The following RIT2 variants were observed in gnomAD, a reference collection of about 807,000 sequenced individuals.
RIT2 encodes the protein GTP-binding protein Rit2.
Under a neutral mutation model 23.7 loss-of-function variants are expected in RIT2, and 24 were observed. The ratio of observed to expected loss-of-function variants is 1.01; its 90% CI spans 0.73 to 1.43. The LOEUF (loss-of-function observed/expected upper bound fraction) is 1.43, where lower values mean the gene tolerates loss of function less well. Among genes scored for constraint, RIT2 ranks in the 40% most tolerant of loss-of-function variants. The pLI, the probability that RIT2 is intolerant of heterozygous loss-of-function variation, is 0.00. For synonymous variants in RIT2, 107 were observed against 91.1 expected (o/e 1.17, Z -0.99); for missense variants, 236 against 266.9 (o/e 0.88, Z 0.81).
chr18:42,853,177 C>A (rs1907101058), intron 4 of RIT2, among the ~76,000 whole-genome samples: 1 of 152,082 alleles, frequency 6.6e-6, no homozygotes, highest in East Asian at 1.9e-4. Context: ...TTTGTGACAC[C>A]TGTCGTGTAT....
intron 4 of RIT2, among the ~76,000 whole-genome samples, chr18:42,890,698 A>T (rs1489829583): frequency 3.9e-5 from 6 of 152,176 alleles, no homozygotes; most frequent in African/African-American, 1.4e-4. Flanking sequence ...GGCCAAGGAC[A>T]TTAATGTAGC....
At chr18:42,800,756 C>A (rs1040460984) in intron 4 of RIT2, among the ~76,000 whole-genome samples, 1 of 152,082 alleles carries the variant, frequency 6.6e-6, no homozygotes, top group Non-Finnish European at 1.5e-5. Context: ...TGGTCTCGAT[C>A]TCCTGACCTC....
At chr18:42,923,431 G>T in intron 4 of RIT2, 141 bp downstream of exon 4, 1 of 750,858 alleles carries the variant, frequency 1.3e-6, no homozygotes, top group Non-Finnish European at 2.3e-6. Flanking sequence ...TTTACCATGG[G>T]ACCACCATGA....
At chr18:42,928,627 G>C (rs1164702108) in intron 3 of RIT2, among the ~76,000 whole-genome samples, 1 of 151,760 alleles carries the variant, frequency 6.6e-6, no homozygotes. Flanking sequence ...AAATTATAAA[G>C]GATTAAAGTC....
At chr18:43,104,598 A>T (rs1260814079) in intron 1 of RIT2, among the ~76,000 whole-genome samples, 1 of 152,186 alleles carries the variant, frequency 6.6e-6, no homozygotes, top group African/African-American at 2.4e-5. Flanking sequence ...GGTATTCCAG[A>T]CTTCTGTTAC....
At chr18:43,062,215 G>GA (rs553192727) in intron 1 of RIT2, among the ~76,000 whole-genome samples, 28 of 150,416 alleles carry the variant, frequency 1.9e-4, no homozygotes, top group Non-Finnish European at 2.7e-4. Flanking sequence ...ATGGATGGAT[G>GA]AAAAAAAAAT....
At chr18:43,085,878 T>C (rs1052299614) in intron 1 of RIT2, among the ~76,000 whole-genome samples, 2 of 152,112 alleles carry the variant, frequency 1.3e-5, no homozygotes, top group Admixed American at 6.6e-5. Flanking sequence ...TCTCACAGGA[T>C]CTGATGATTT....
chr18:42,874,876 A>T (rs748002579), intron 4 of RIT2, among the ~76,000 whole-genome samples: 10 of 152,136 alleles, frequency 6.6e-5, no homozygotes, highest in Non-Finnish European at 1.2e-4. Flanking sequence ...AGTCCAGATA[A>T]GGTTCACACA....
chr18:42,970,513 T>C (rs1206963022), intron 3 of RIT2, among the ~76,000 whole-genome samples: 1 of 152,060 alleles, frequency 6.6e-6, no homozygotes, highest in African/African-American at 2.4e-5. Context: ...CAAAATATGG[T>C]ACCTTGGAAA....
chr18:43,051,869 C>T (rs1912391856), intron 1 of RIT2, among the ~76,000 whole-genome samples: 1 of 152,110 alleles, frequency 6.6e-6, no homozygotes, highest in Non-Finnish European at 1.5e-5. Context: ...ATCACCTCTT[C>T]CCAGATAAAA....
chr18:42,786,616 C>T (rs1431259014), intron 4 of RIT2, among the ~76,000 whole-genome samples: 1 of 152,014 alleles, frequency 6.6e-6, no homozygotes, highest in Non-Finnish European at 1.5e-5. Flanking sequence ...TCTTAATTCT[C>T]GGGACTGACA....
chr18:42,893,192 C>T (rs1908228469), intron 4 of RIT2, among the ~76,000 whole-genome samples: 1 of 147,834 alleles, frequency 6.8e-6, no homozygotes, highest in Non-Finnish European at 1.5e-5. Flanking sequence ...CGCCACTGCA[C>T]TCCAGCCTGG....
chr18:42,925,587 A>G (rs191599581), intron 3 of RIT2, among the ~76,000 whole-genome samples: 146 of 152,018 alleles, frequency 9.6e-4, no homozygotes, highest in African/African-American at 3.2e-3. Context: ...AAAGTTTTTG[A>G]TTTTCAATCG....
At chr18:42,949,665 A>T (rs1303635202) in intron 3 of RIT2, among the ~76,000 whole-genome samples, 2 of 152,108 alleles carry the variant, frequency 1.3e-5, no homozygotes, top group Non-Finnish European at 2.9e-5. Flanking sequence ...ATTTCGTATT[A>T]GTTACTCCAC....
chr18:42,776,924 A>G (rs1913685788), intron 4 of RIT2, among the ~76,000 whole-genome samples: 1 of 152,212 alleles, frequency 6.6e-6, no homozygotes, highest in Admixed American at 6.5e-5. Context: ...TAGAAAGTCT[A>G]GAGTAGAAGA....
At chr18:42,866,397 T>C (rs1467427617) in intron 4 of RIT2, among the ~76,000 whole-genome samples, 6 of 152,182 alleles carry the variant, frequency 3.9e-5, no homozygotes, top group South Asian at 2.1e-4. Flanking sequence ...CTGTACTAGA[T>C]AGTGAAGAAA....
In RIT2 at chr18:42,804,960, A is replaced by T. The variant is rs192695918; in HGVS notation, c.427-61240T>A. On this transcript the variant is annotated intron_variant, in intron 4 of 4. Transcript: ENST00000326695. ...AATGGTGAGGCTTGACAATTATTGC[A>T]ATTTTCATCAGCAAAAATTATTTTA... Among the ~76,000 whole-genome samples, 27 of 152,342 alleles carry T rather than the reference A, an allele frequency of 1.8e-4. 1 individual carries two copies. The highest frequency in any genetic ancestry group is 1.7e-3 in the Admixed American group (26 of 15,308).
chr18:43,105,124 GTGTGTGTT>G (rs1161180233), intron 1 of RIT2, among the ~76,000 whole-genome samples: 20 of 150,728 alleles, frequency 1.3e-4, no homozygotes, highest in African/African-American at 4.4e-4. Context: ...GTGTGTGTGT[GTGTGTGTT>G]TGTGTGTGTG....
At position 43,115,414 on chromosome 18, in the gene RIT2, T is replaced by TA; in HGVS notation, c.103+2dup. ...TTCCCCAGCATTTGGTGTGAAAACT[T>TA]ACCGCTTTTACCAACTCCCCCTGCT... On this transcript the variant is annotated splice_region_variant and intron_variant, in intron 1 of 4. Coordinates refer to ENST00000326695, the MANE Select transcript of RIT2 (RefSeq NM_002930.4). 2 of 1,613,162 alleles carry TA rather than the reference T, an allele frequency of 1.2e-6. No homozygotes were observed. The highest frequency in any genetic ancestry group is 1.7e-6 in the Non-Finnish European group (2 of 1,179,648).
Sources: allele counts gnomAD v4.1 joint callset (sites outside exome capture counted in the v4.1 genomes callset), GRCh38; gene constraint gnomAD v4.1.1; transcripts MANE v1.5; gene names NCBI Gene and HGNC (gene_info 2026-07-23, HGNC 2026-07-21).